Variants in TSPAN5 observed in about 807,000 individuals in gnomAD.
TSPAN5 encodes the protein tetraspanin-5.
TSPAN5 carries 10 observed loss-of-function variants against 37.1 expected under a neutral mutation model. The observed-to-expected ratio is 0.27, with a 90% CI of 0.17 to 0.46. The LOEUF is 0.46. Ranked by LOEUF, TSPAN5 falls within the 20% of genes least tolerant of loss-of-function variation. TSPAN5 has a pLI of 1.00. For synonymous variants in TSPAN5, 110 were observed against 118.9 expected (o/e 0.93, Z 0.48); for missense variants, 195 against 326.6 (o/e 0.60, Z 3.11).
chr4:98,513,878 ATAG>A (rs1178077713), intron 1 of TSPAN5, among the ~76,000 whole-genome samples: 2 of 150,648 alleles, frequency 1.3e-5, no homozygotes, highest in African/African-American at 4.9e-5. Context: ...AGATAGATAG[ATAG>A]ATAGATAGAT....
At chr4:98,599,472 A>G (rs1755834495) in intron 1 of TSPAN5, among the ~76,000 whole-genome samples, 1 of 152,230 alleles carries the variant, frequency 6.6e-6, no homozygotes, top group Non-Finnish European at 1.5e-5. Flanking sequence ...AAAATAAAAT[A>G]TATTCATTTT....
intron 1 of TSPAN5, among the ~76,000 whole-genome samples, chr4:98,578,491 T>A (rs1755297191): frequency 6.6e-6 from 1 of 152,156 alleles, no homozygotes; most frequent in South Asian, 2.1e-4. Flanking sequence ...AGTGGCACAA[T>A]CTCGGCTCAC....
intron 1 of TSPAN5, among the ~76,000 whole-genome samples, chr4:98,611,102 A>T (rs894025568): frequency 6.6e-6 from 1 of 152,224 alleles, no homozygotes; most frequent in Non-Finnish European, 1.5e-5. Flanking sequence ...AGGAAGGCAG[A>T]GGAACTCCTC....
At chr4:98,503,404 C>A (rs1004920037) in intron 2 of TSPAN5, among the ~76,000 whole-genome samples, 24 of 152,266 alleles carry the variant, frequency 1.6e-4, no homozygotes, top group South Asian at 6.2e-4. Context: ...CCTGTGAGGA[C>A]CACCTAGAGA....
chr4:98,655,093 CCT>C (rs1454799019), intron 1 of TSPAN5, among the ~76,000 whole-genome samples: 4 of 152,328 alleles, frequency 2.6e-5, no homozygotes, highest in African/African-American at 9.6e-5. Flanking sequence ...GATCCGTCCA[CCT>C]CAGCCTCCCA....
intron 1 of TSPAN5, among the ~76,000 whole-genome samples, chr4:98,531,272 G>A (rs11097619): frequency 0.78 from 118,287 of 151,894 alleles, 46,840 homozygotes; most frequent in African/African-American, 0.93. Context: ...CCCTGTGTCC[G>A]TGTGTTCTCC....
intron 1 of TSPAN5, among the ~76,000 whole-genome samples, chr4:98,517,293 A>AATT (rs1373243478): frequency 5.5e-4 from 84 of 152,176 alleles, no homozygotes; most frequent in African/African-American, 2.0e-3. Flanking sequence ...TCAGCCACAC[A>AATT]TCCACTTGCA....
chr4:98,566,941 A>G (rs1268739075), intron 1 of TSPAN5, among the ~76,000 whole-genome samples: 1 of 152,218 alleles, frequency 6.6e-6, no homozygotes, highest in Non-Finnish European at 1.5e-5. Context: ...ATTGTAGCAG[A>G]AACAGCTGTG....
At chr4:98,530,229 C>T (rs1754049888) in intron 1 of TSPAN5, among the ~76,000 whole-genome samples, 1 of 152,228 alleles carries the variant, frequency 6.6e-6, no homozygotes, top group Non-Finnish European at 1.5e-5. Context: ...ACAGTGAGCA[C>T]ATCCTGAAAT....
chr4:98,535,727 G>A (rs190201180), intron 1 of TSPAN5, among the ~76,000 whole-genome samples: 111 of 152,130 alleles, frequency 7.3e-4, no homozygotes, highest in Non-Finnish European at 7.9e-4. Context: ...GGCTTTGCTC[G>A]TTCCTTTTTA....
In TSPAN5 at chr4:98,643,686, A is replaced by G. The variant is rs558019945; in HGVS notation, c.81+14460T>C. Among the ~76,000 whole-genome samples the G allele has an allele frequency of 4.6e-3, 694 of 152,338 alleles. 7 individuals are homozygous for G. The highest frequency in any genetic ancestry group is 0.026 in the South Asian group (124 of 4,826). Reference sequence around the variant, plus strand: ...TCTCAAAGCATATAGTGAGAATATTAGGGATTATTAATCTTGCAGGGTCAG... The same window carrying G: ...TCTCAAAGCATATAGTGAGAATATTGGGGATTATTAATCTTGCAGGGTCAG... On this transcript the variant is annotated intron_variant, in intron 1 of 7. Coordinates refer to ENST00000305798, the MANE Select transcript of TSPAN5 (RefSeq NM_005723.4).
chr4:98,599,065 A>G (rs911791298), intron 1 of TSPAN5, among the ~76,000 whole-genome samples: 3 of 152,210 alleles, frequency 2.0e-5, no homozygotes, highest in African/African-American at 7.2e-5. Context: ...AAGAAGCAAA[A>G]TGGACAAATA....
intron 1 of TSPAN5, among the ~76,000 whole-genome samples, chr4:98,652,710 T>C (rs1302757826): frequency 6.6e-6 from 1 of 152,228 alleles, no homozygotes; most frequent in Non-Finnish European, 1.5e-5. Context: ...CTTGGAAGAC[T>C]CTTTGGGGTG....
rs530054674 is a variant in TSPAN5, at chr4:98,554,472, G to A, written c.82-46744C>T. On this transcript the variant is annotated intron_variant, in intron 1 of 7. Transcript: ENST00000305798. ...TCACATTACAAATCCATAATCTAAC[G>A]CGCTAATCATACTCATTCAATTGCT... 2.2e-4 allele frequency among the ~76,000 whole-genome samples: 34 copies of A among 152,214 alleles called. No homozygotes were observed. The South Asian group carries it at 3.1e-3, about 14-fold the overall frequency.
At chr4:98,603,999 C>T (rs183135313) in intron 1 of TSPAN5, among the ~76,000 whole-genome samples, 2 of 152,082 alleles carry the variant, frequency 1.3e-5, no homozygotes, top group South Asian at 4.1e-4. Flanking sequence ...TTTGAACGAC[C>T]GCTCTATTGG....
intron 2 of TSPAN5, among the ~76,000 whole-genome samples, chr4:98,506,771 ATC>A (rs1753485291): frequency 6.6e-6 from 1 of 152,148 alleles, no homozygotes; most frequent in African/African-American, 2.4e-5. Context: ...CATTCTATAC[ATC>A]CCCTTGTCCT....
chr4:98,528,413 G>T (rs1754009538), intron 1 of TSPAN5, among the ~76,000 whole-genome samples: 2 of 76,478 alleles, frequency 2.6e-5, no homozygotes, highest in African/African-American at 7.9e-5. Flanking sequence ...TGTAACAGAT[G>T]ATTTTTTTTT....
chr4:98,551,380 T>C (rs1754609498), intron 1 of TSPAN5, among the ~76,000 whole-genome samples: 1 of 151,430 alleles, frequency 6.6e-6, no homozygotes, highest in Admixed American at 6.6e-5. Flanking sequence ...ATCAGGGTTA[T>C]AACTAGCCTT....
chr4:98,486,541 G>C, intron 3 of TSPAN5, 197 bp downstream of exon 3: 1 of 567,296 alleles, frequency 1.8e-6, no homozygotes, highest in East Asian at 3.0e-5. Context: ...GGGGTGGTGG[G>C]GGTGGTGTTG....
Sources: allele counts gnomAD v4.1 joint callset (sites outside exome capture counted in the v4.1 genomes callset), GRCh38; gene constraint gnomAD v4.1.1; transcripts MANE v1.5; gene names NCBI Gene and HGNC (gene_info 2026-07-23, HGNC 2026-07-21).